Variants in DLGAP2 observed in about 807,000 individuals in gnomAD.
DLGAP2 encodes the protein disks large-associated protein 2.
In DLGAP2, 26 loss-of-function variants were observed where a neutral mutation model predicts 100.3. The ratio of observed to expected loss-of-function variants is 0.26; its 90% CI spans 0.19 to 0.36. The LOEUF (loss-of-function observed/expected upper bound fraction) is 0.36, where lower values mean the gene tolerates loss of function less well. Ranked by LOEUF, DLGAP2 falls within the 10% of genes least tolerant of loss-of-function variation. DLGAP2 has a pLI of 1.00. For missense variants in DLGAP2, 1,858 were observed against 1,453.2 expected, an observed-to-expected ratio of 1.28 and a Z score of -4.53; for synonymous variants, 886 against 630.1, an observed-to-expected ratio of 1.41 and a Z score of -6.08.
Position 1,370,531 on chromosome 8 carries a change from T to C in DLGAP2, c.106+111648T>C, listed in dbSNP as rs185125416. ...CTTAAGTAACAAGTCACATTTCTTT[T>C]GTGTTTCATTTGCTTAAAATAAAAT... On this transcript the variant is annotated intron_variant, in intron 3 of 14. Coordinates refer to ENST00000637795, the MANE Select transcript of DLGAP2 (RefSeq NM_001346810.2). 1.9e-3 allele frequency among the ~76,000 whole-genome samples: 287 copies of C among 152,364 alleles called. 1 individual carries two copies. Among genetic ancestry groups the C allele is most frequent in the African/African-American group, 6.5e-3 (271 of 41,586 alleles).
rs148182252 is a variant in DLGAP2, at chr8:1,678,426, G to A, written c.2501G>A (p.Arg834Gln). ...CTCTTCAGCTATAGAGAAGACTATC[G>A]GACCCAAGTGGACACCTCCACCCTG... The part of the protein sequence containing the change: ...QGLFSYREDY[R>Q]TQVDTSTLPP... Residue 834 changes from arginine to glutamine, a missense_variant, in exon 12 of 15, where the codon CGG (arginine) becomes CAG (glutamine). Coordinates refer to ENST00000637795, the MANE Select transcript of DLGAP2 (RefSeq NM_001346810.2). The A allele has an allele frequency of 3.5e-5, 56 of 1,613,504 alleles. No individual in the cohort carries two copies. Among genetic ancestry groups the A allele is most frequent in the African/African-American group, 6.7e-5 (5 of 75,000 alleles).
chr8:1,005,944 G>A (rs1283794181), intron 2 of DLGAP2, among the ~76,000 whole-genome samples: 2 of 152,148 alleles, frequency 1.3e-5, no homozygotes, highest in Non-Finnish European at 2.9e-5. Flanking sequence ...TGGCGCGGTG[G>A]CTCACGTCTG....
intron 3 of DLGAP2, among the ~76,000 whole-genome samples, chr8:1,277,619 G>A (rs764131022): frequency 2.6e-5 from 4 of 152,152 alleles, no homozygotes; most frequent in African/African-American, 4.8e-5. Flanking sequence ...TCGGAGTATC[G>A]AAGTATCAGC....
chr8:999,691 G>T (rs1470252865), intron 2 of DLGAP2, among the ~76,000 whole-genome samples: 1 of 152,092 alleles, frequency 6.6e-6, no homozygotes, highest in Non-Finnish European at 1.5e-5. Flanking sequence ...ATGTTTGCCA[G>T]GATGGTCTCA....
At chr8:1,229,538 C>G (rs1798490429) in intron 2 of DLGAP2, among the ~76,000 whole-genome samples, 1 of 142,414 alleles carries the variant, frequency 7.0e-6, no homozygotes, top group South Asian at 2.4e-4. Flanking sequence ...CTCTGAGGAT[C>G]TTTTGTTTTT....
intron 3 of DLGAP2, among the ~76,000 whole-genome samples, chr8:1,269,608 T>C (rs1442166433): frequency 1.3e-5 from 2 of 152,164 alleles, no homozygotes; most frequent in African/African-American, 2.4e-5. Context: ...ACAATAATGT[T>C]ACCCATTACG....
intron 3 of DLGAP2, among the ~76,000 whole-genome samples, chr8:1,282,209 A>T (rs1474417717): frequency 8.8e-6 from 1 of 113,872 alleles, no homozygotes; most frequent in African/African-American, 2.9e-5. Flanking sequence ...ACATGGTGTG[A>T]CCTGAACCCA....
At chr8:1,472,238 G>T (rs549346866) in intron 3 of DLGAP2, among the ~76,000 whole-genome samples, 1 of 152,276 alleles carries the variant, frequency 6.6e-6, no homozygotes, top group East Asian at 1.9e-4. Flanking sequence ...GGAGGGGAGG[G>T]GGGTTGAGCC....
At chr8:1,566,649 A>G (rs1047273957) in intron 6 of DLGAP2, among the ~76,000 whole-genome samples, 3 of 152,224 alleles carry the variant, frequency 2.0e-5, no homozygotes, top group Non-Finnish European at 4.4e-5. Flanking sequence ...CCAGTGCCAC[A>G]TAAGAGTTAT....
chr8:1,554,215 G>C (rs1801878465), intron 5 of DLGAP2, among the ~76,000 whole-genome samples: 1 of 152,188 alleles, frequency 6.6e-6, no homozygotes, highest in Admixed American at 6.5e-5. Flanking sequence ...TTGAACGTGG[G>C]AGGTGGAGGT....
At chr8:1,501,322 C>G (rs1799713793) in intron 3 of DLGAP2, 44 bp from the exon 4 acceptor site, 2 of 1,531,832 alleles carry the variant, frequency 1.3e-6, no homozygotes, top group Middle Eastern at 3.3e-4. Flanking sequence ...CTGCAGTCTA[C>G]ACCAGAAACG....
chr8:1,459,672 T>C (rs1798417850), intron 3 of DLGAP2, among the ~76,000 whole-genome samples: 1 of 147,136 alleles, frequency 6.8e-6, no homozygotes, highest in Admixed American at 7.1e-5. Flanking sequence ...GCATTTTAAA[T>C]TCTGTTGTTT....
At position 1,678,558 on chromosome 8, in the gene DLGAP2, A is replaced by C; in HGVS notation, c.2633A>C (p.Glu878Ala). 1 of 1,589,760 alleles carries C rather than the reference A, an allele frequency of 6.3e-7. No individual in the cohort carries two copies. The highest frequency in any genetic ancestry group is 8.6e-7 in the Non-Finnish European group (1 of 1,168,410). Residue 878 changes from glutamate to alanine, a missense_variant, in exon 12 of 15, where the codon GAG becomes GCG. Coordinates refer to ENST00000637795, the MANE Select transcript of DLGAP2 (RefSeq NM_001346810.2). ...GSWFLKLLHA[E>A]TKRMEGWCKE... ...TGGTTTTTGAAGCTGCTGCACGCAG[A>C]GACAAAGAGGATGGAAGGCTGGTGC...
At chr8:1,093,405 A>T (rs2336697) in intron 2 of DLGAP2, among the ~76,000 whole-genome samples, 1 of 148,844 alleles carries the variant, frequency 6.7e-6, no homozygotes, top group Non-Finnish European at 1.5e-5. Flanking sequence ...ACACCTTCAC[A>T]CTGACAGCCA....
intron 1 of DLGAP2, among the ~76,000 whole-genome samples, chr8:838,041 A>T (rs1011632578): frequency 6.6e-6 from 1 of 151,992 alleles, no homozygotes; most frequent in African/African-American, 2.4e-5. Context: ...ATTTATATAT[A>T]TTAATATTTG....
At chr8:1,283,797 T>C (rs1304696755) in intron 3 of DLGAP2, among the ~76,000 whole-genome samples, 1 of 152,240 alleles carries the variant, frequency 6.6e-6, no homozygotes, top group African/African-American at 2.4e-5. Context: ...TTACTGCTAT[T>C]TTATTTATAA....
chr8:1,647,631 A>T (rs1313885579), intron 8 of DLGAP2, among the ~76,000 whole-genome samples: 1 of 151,992 alleles, frequency 6.6e-6, no homozygotes, highest in African/African-American at 2.4e-5. Context: ...TGCTAACAAT[A>T]TCAAGATAGC....
chr8:1,089,470 C>T (rs1804100267), intron 2 of DLGAP2, among the ~76,000 whole-genome samples: 1 of 152,204 alleles, frequency 6.6e-6, no homozygotes, highest in African/African-American at 2.4e-5. Flanking sequence ...CCAGAGTCAG[C>T]TCCGTCTGTC....
rs373612653 is a variant in DLGAP2, at chr8:1,067,454, G to T, written c.73+159488G>T. 1.9e-4 allele frequency among the ~76,000 whole-genome samples: 29 copies of T among 152,278 alleles called. No homozygotes were observed. The South Asian group carries it at 5.2e-3, about 27-fold the overall frequency. ...ACTTGGGAGGTCAGAGGCTTCCTGG[G>T]AGGGGGCCACGCTGAGGAAGCCCGT... On this transcript the variant is annotated intron_variant, in intron 2 of 14. Transcript: ENST00000637795.
Sources: allele counts gnomAD v4.1 joint callset (sites outside exome capture counted in the v4.1 genomes callset), GRCh38; gene constraint gnomAD v4.1.1; transcripts MANE v1.5; gene names NCBI Gene and HGNC (gene_info 2026-07-23, HGNC 2026-07-21).